Variants in LRTM1 observed in about 807,000 individuals in gnomAD.
LRTM1 encodes the protein leucine-rich repeat and transmembrane domain-containing protein 1.
LRTM1 carries 38 observed loss-of-function variants against 32.4 expected under a neutral mutation model. The ratio of observed to expected loss-of-function variants is 1.17; its 90% CI spans 0.91 to 1.54. LRTM1 has a LOEUF of 1.54. Among genes scored for constraint, LRTM1 ranks in the 40% most tolerant of loss-of-function variants. The probability of loss-of-function intolerance (pLI) is 0.00; values close to 1 mark genes in which losing one functional copy is unlikely to be tolerated. For missense variants in LRTM1, 466 were observed against 415.4 expected (o/e 1.12, Z -1.06); for synonymous variants, 186 against 169.9 (o/e 1.09, Z -0.74).
At chr3:54,950,177 C>T (rs531526834) in intron 1 of LRTM1, among the ~76,000 whole-genome samples, 4 of 152,288 alleles carry the variant, frequency 2.6e-5, no homozygotes, top group African/African-American at 9.6e-5. Flanking sequence ...TCCATACAGC[C>T]GAGGTAGCTT....
intron 1 of LRTM1, among the ~76,000 whole-genome samples, chr3:54,926,402 C>T (rs1575381204): frequency 6.6e-6 from 1 of 151,976 alleles, no homozygotes; most frequent in Non-Finnish European, 1.5e-5. Context: ...AGGCTGTCTT[C>T]CTCCCTCCAG....
intron 2 of LRTM1, among the ~76,000 whole-genome samples, chr3:54,923,677 T>A (rs1158593328): frequency 6.6e-6 from 1 of 152,216 alleles, no homozygotes; most frequent in Non-Finnish European, 1.5e-5. Context: ...GAATGAATCA[T>A]GCTGAGAGCT....
At chr3:54,928,476 A>G (rs977597755), upstream of LRTM1, among the ~76,000 whole-genome samples, 1 of 152,148 alleles carries the variant, frequency 6.6e-6, no homozygotes, top group Non-Finnish European at 1.5e-5. Context: ...AGTGTGTAAT[A>G]TGAGGACAAA....
chr3:54,939,948 A>G (rs1463750972), intron 1 of LRTM1, among the ~76,000 whole-genome samples: 2 of 152,244 alleles, frequency 1.3e-5, no homozygotes, highest in African/African-American at 2.4e-5. Context: ...CTCCCTTTCC[A>G]TGATGGATTT....
At chr3:54,938,813 C>T (rs1002433164) in intron 1 of LRTM1, among the ~76,000 whole-genome samples, 3 of 152,132 alleles carry the variant, frequency 2.0e-5, no homozygotes, top group Non-Finnish European at 2.9e-5. Context: ...CCATGGCTTG[C>T]GCTAGAAATA....
chr3:54,925,526 T>TG (rs768756688), intron 1 of LRTM1, among the ~76,000 whole-genome samples: 2 of 152,142 alleles, frequency 1.3e-5, no homozygotes, highest in Non-Finnish European at 2.9e-5. Flanking sequence ...AAAAAATATT[T>TG]GGGGTGTATA....
At chr3:54,955,468 GAAA>G (rs148881229) in intron 1 of LRTM1, among the ~76,000 whole-genome samples, 1 of 151,582 alleles carries the variant, frequency 6.6e-6, no homozygotes, top group African/African-American at 2.4e-5. Flanking sequence ...AAAGAAAAAA[GAAA>G]AAAAAGCTCT....
At chr3:54,960,343 AC>A (rs1201288687) in intron 1 of LRTM1, among the ~76,000 whole-genome samples, 29 of 151,966 alleles carry the variant, frequency 1.9e-4, no homozygotes, top group South Asian at 1.5e-3. Flanking sequence ...AAGATTACCA[AC>A]CCCCCATACC....
At chr3:54,928,346 C>T (rs1189716237), upstream of LRTM1, among the ~76,000 whole-genome samples, 1 of 152,186 alleles carries the variant, frequency 6.6e-6, no homozygotes, top group Non-Finnish European at 1.5e-5. Flanking sequence ...AAACTGCCTT[C>T]TTAATCCGGC....
intron 1 of LRTM1, among the ~76,000 whole-genome samples, chr3:54,953,546 C>T (rs1701809498): frequency 6.6e-6 from 1 of 152,192 alleles, no homozygotes; most frequent in African/African-American, 2.4e-5. Flanking sequence ...GTCATTACAA[C>T]AAGGCCTCAG....
chr3:54,925,860 G>A (rs1050478000), intron 1 of LRTM1, among the ~76,000 whole-genome samples: 5 of 152,166 alleles, frequency 3.3e-5, no homozygotes, highest in Non-Finnish European at 5.9e-5. Flanking sequence ...GCGCTGCTAC[G>A]TATTGATATC....
At chr3:54,947,152 T>A (rs1319392362) in intron 1 of LRTM1, among the ~76,000 whole-genome samples, 1 of 152,202 alleles carries the variant, frequency 6.6e-6, no homozygotes, top group Non-Finnish European at 1.5e-5. Flanking sequence ...CCAGTTTTCA[T>A]CATCATAATC....
In LRTM1 at chr3:54,924,710, A is replaced by T. The variant is rs1228808653; in HGVS notation, c.513T>A (p.Ser171Arg). The T allele has an allele frequency of 1.2e-6, 2 of 1,613,988 alleles. No individual in the cohort carries two copies. The highest frequency in any genetic ancestry group is 1.3e-5 in the African/African-American group (1 of 74,898). Residue 171 changes from serine to arginine, a missense_variant, in exon 2 of 3, where the codon AGT becomes AGA. Coordinates refer to ENST00000273286, the MANE Select transcript of LRTM1 (RefSeq NM_020678.4). The stretch of plus-strand genomic sequence containing the variant: ...TGTCCTTGAGAAGTAAAAGCCTCAC[A>T]CTGGGCATGGATTCCAGGAGCGCTC... ...LDRALLESMPSVRLLLLKDNL... is the reference protein window; with the variant it reads ...LDRALLESMPRVRLLLLKDNL...
At chr3:54,944,403 T>C (rs1162148969) in intron 1 of LRTM1, among the ~76,000 whole-genome samples, 2 of 142,248 alleles carry the variant, frequency 1.4e-5, no homozygotes, top group African/African-American at 5.0e-5. Flanking sequence ...AGGGTATTTA[T>C]TTATTTATTT....
At chr3:54,938,058 C>G (rs1701374355) in intron 1 of LRTM1, among the ~76,000 whole-genome samples, 1 of 152,202 alleles carries the variant, frequency 6.6e-6, no homozygotes, top group Non-Finnish European at 1.5e-5. Context: ...AATCCCCGTA[C>G]ACGTTTCTCA....
intron 1 of LRTM1, among the ~76,000 whole-genome samples, chr3:54,962,814 A>G (rs1575410178): frequency 1.3e-5 from 2 of 152,296 alleles, no homozygotes; most frequent in Admixed American, 1.3e-4. Flanking sequence ...TGTTTGGGTG[A>G]GCTTGTGTGC....
chr3:54,937,610 T>A lies in LRTM1; in HGVS notation c.-221-12395A>T, dbSNP rs76327282. On this transcript the variant is annotated intron_variant, in intron 1 of 2. Transcript: ENST00000493075. The stretch of plus-strand genomic sequence containing the variant: ...AGTGCAAGGAAAAAGAGGTACATGG[T>A]TCCATAAGAGAATGCAGTCTGGCAA... Among the ~76,000 whole-genome samples, 1,156 of 152,226 alleles carry A rather than the reference T, an allele frequency of 7.6e-3. 13 individuals carry two copies. Among genetic ancestry groups the A allele is most frequent in the South Asian group, 0.038 (181 of 4,808 alleles).
intron 1 of LRTM1, among the ~76,000 whole-genome samples, chr3:54,956,448 T>C (rs532031460): frequency 3.9e-5 from 6 of 152,198 alleles, no homozygotes; most frequent in Non-Finnish European, 8.8e-5. Flanking sequence ...TCTTTGTCTT[T>C]TAAAGGCCAG....
chr3:54,960,087 A>C (rs1282705299), intron 1 of LRTM1, among the ~76,000 whole-genome samples: 1 of 152,158 alleles, frequency 6.6e-6, no homozygotes. Context: ...AAAAAAAAAA[A>C]AAAAACCAAA....
Sources: allele counts gnomAD v4.1 joint callset (sites outside exome capture counted in the v4.1 genomes callset), GRCh38; gene constraint gnomAD v4.1.1; transcripts MANE v1.5; gene names NCBI Gene and HGNC (gene_info 2026-07-23, HGNC 2026-07-21).